The following HIBADH variants were observed in gnomAD, a reference collection of about 807,000 sequenced individuals.
The protein encoded by HIBADH is 3-hydroxyisobutyrate dehydrogenase.
HIBADH carries 25 observed loss-of-function variants against 36.1 expected under a neutral mutation model. That is an observed-to-expected ratio of 0.69 (90% CI 0.50 to 0.97). The LOEUF (loss-of-function observed/expected upper bound fraction) is 0.97. HIBADH is among the 50% of genes least tolerant of loss of function. The probability of loss-of-function intolerance (pLI) is 0.00; values close to 1 mark genes in which losing one functional copy is unlikely to be tolerated. For synonymous variants in HIBADH, 160 were observed against 149.5 expected (o/e 1.07, Z -0.51); for missense variants, 421 against 418.0 (o/e 1.01, Z -0.06).
At chr7:27,583,399 C>T (rs1784819466) in intron 4 of HIBADH, among the ~76,000 whole-genome samples, 1 of 152,018 alleles carries the variant, frequency 6.6e-6, no homozygotes, top group African/African-American at 2.4e-5. Flanking sequence ...CAGAAGGAAA[C>T]AGTATCTCAT....
intron 2 of HIBADH, among the ~76,000 whole-genome samples, chr7:27,643,582 G>A (rs781326607): frequency 1.3e-5 from 2 of 152,178 alleles, no homozygotes; most frequent in East Asian, 1.9e-4. Flanking sequence ...ATACTAAGTG[G>A]TATAGAAAGA....
chr7:27,541,130 TC>T (rs1225890088), intron 5 of HIBADH, among the ~76,000 whole-genome samples: 2 of 135,720 alleles, frequency 1.5e-5, no homozygotes, highest in African/African-American at 2.9e-5. Flanking sequence ...CCTTCGAGCA[TC>T]CTTTTTTTTT....
At chr7:27,624,083 C>A (rs1372463135) in intron 4 of HIBADH, among the ~76,000 whole-genome samples, 6 of 152,172 alleles carry the variant, frequency 3.9e-5, no homozygotes, top group African/African-American at 1.4e-4. Flanking sequence ...CAAGCATAAG[C>A]CACCGCATGC....
intron 4 of HIBADH, among the ~76,000 whole-genome samples, chr7:27,587,763 T>C (rs1173685474): frequency 1.3e-5 from 2 of 152,176 alleles, no homozygotes; most frequent in Non-Finnish European, 2.9e-5. Flanking sequence ...ATTTAACCAT[T>C]TCTAATCCAT....
chr7:27,595,623 T>TGTGTGTGTGTGA (rs1247066560), intron 4 of HIBADH, among the ~76,000 whole-genome samples: 2 of 140,752 alleles, frequency 1.4e-5, no homozygotes, highest in East Asian at 2.1e-4. Context: ...TGTGTGTGTG[T>TGTGTGTGTGTGA]GAACCGCTAT....
chr7:27,535,598 G>C (rs781449217), intron 6 of HIBADH, among the ~76,000 whole-genome samples: 19 of 152,016 alleles, frequency 1.2e-4, no homozygotes, highest in Non-Finnish European at 2.4e-4. Flanking sequence ...ATTTCTATGT[G>C]ATACACAGGA....
At chr7:27,558,620 C>A (rs1021378764) in intron 4 of HIBADH, among the ~76,000 whole-genome samples, 1 of 152,112 alleles carries the variant, frequency 6.6e-6, no homozygotes, top group Admixed American at 6.5e-5. Flanking sequence ...TTGCTTGAGT[C>A]CAGGAGGTTG....
chr7:27,567,697 C>T lies in HIBADH; in HGVS notation c.485-24597G>A, dbSNP rs58707628. Among the ~76,000 whole-genome samples the T allele has an allele frequency of 3.1e-4, 3 of 9,742 alleles. No individual in the cohort carries two copies. The African/African-American group carries it at 3.7e-3, about 12-fold the overall frequency. 6.4% of individuals were successfully genotyped at this position (9,742 alleles called of 152,430 possible). A position where few individuals can be genotyped will look rare whatever the true frequency, so the allele number is the denominator to read the frequency against. On this transcript the variant is annotated intron_variant, in intron 4 of 7. Coordinates refer to ENST00000265395, the MANE Select transcript of HIBADH (RefSeq NM_152740.4). ...TGACCTAGGGATTACAATATACATACTAAAGTTTTCATGTCCATTGAAAAT... is the reference window on the plus strand; with the variant it reads ...TGACCTAGGGATTACAATATACATATTAAAGTTTTCATGTCCATTGAAAAT...
intron 2 of HIBADH, among the ~76,000 whole-genome samples, chr7:27,638,041 C>T (rs767650932): frequency 3.3e-5 from 5 of 152,008 alleles, no homozygotes; most frequent in Non-Finnish European, 5.9e-5. Flanking sequence ...ATCAAACTAC[C>T]AATGACATTC....
chr7:27,534,980 T>G (rs1040633135), intron 6 of HIBADH, among the ~76,000 whole-genome samples: 4 of 149,274 alleles, frequency 2.7e-5, no homozygotes, highest in African/African-American at 9.8e-5. Flanking sequence ...CAGACCTACA[T>G]GTATGCCCAA....
chr7:27,552,217 C>T (rs964305733), intron 4 of HIBADH, among the ~76,000 whole-genome samples: 5 of 152,176 alleles, frequency 3.3e-5, no homozygotes, highest in African/African-American at 1.2e-4. Context: ...GTTTCAGAGT[C>T]CATGTCAGAT....
At chr7:27,567,164 C>G (rs548229494) in intron 4 of HIBADH, among the ~76,000 whole-genome samples, 1 of 152,106 alleles carries the variant, frequency 6.6e-6, no homozygotes, top group South Asian at 2.1e-4. Flanking sequence ...TTGTTCATTT[C>G]TCCTTTTCAT....
At chr7:27,577,053 A>C (rs1221941805) in intron 4 of HIBADH, among the ~76,000 whole-genome samples, 3 of 151,740 alleles carry the variant, frequency 2.0e-5, no homozygotes, top group African/African-American at 7.2e-5. Context: ...AACTGTAAAA[A>C]ACAAATCCAG....
chr7:27,609,129 G>C (rs1450498547), intron 4 of HIBADH, among the ~76,000 whole-genome samples: 1 of 152,138 alleles, frequency 6.6e-6, no homozygotes, highest in Non-Finnish European at 1.5e-5. Context: ...TAAATAATGA[G>C]AGCAATAATA....
intron 4 of HIBADH, among the ~76,000 whole-genome samples, chr7:27,563,387 T>G (rs563816152): frequency 2.0e-4 from 30 of 152,350 alleles, no homozygotes; most frequent in African/African-American, 7.2e-4. Flanking sequence ...AAGTTTTCAT[T>G]TATCCAGGCT....
At chr7:27,609,489 G>C (rs1785287542) in intron 4 of HIBADH, among the ~76,000 whole-genome samples, 2 of 152,100 alleles carry the variant, frequency 1.3e-5, no homozygotes, top group Admixed American at 1.3e-4. Context: ...AGACAGAAAG[G>C]ATACTTTATG....
At chr7:27,646,186 G>A (rs1209025792) in intron 2 of HIBADH, among the ~76,000 whole-genome samples, 1 of 152,162 alleles carries the variant, frequency 6.6e-6, no homozygotes, top group Admixed American at 6.5e-5. Context: ...AACCACACAA[G>A]AGAAGGCAAG....
At chr7:27,636,787 TAA>T (rs1785848360) in intron 2 of HIBADH, among the ~76,000 whole-genome samples, 1 of 152,160 alleles carries the variant, frequency 6.6e-6, no homozygotes. Flanking sequence ...TGCTAAGGAT[TAA>T]GTTAAAAAGA....
At chr7:27,533,842 T>C (rs984466603) in intron 6 of HIBADH, among the ~76,000 whole-genome samples, 3 of 152,226 alleles carry the variant, frequency 2.0e-5, no homozygotes, top group Non-Finnish European at 1.5e-5. Context: ...GCTGTTTCCC[T>C]GTAAATTGGC....
Sources: gnomAD v4.1 joint callset for allele counts (sites outside exome capture counted in the v4.1 genomes callset) on GRCh38, gnomAD v4.1.1 for gene constraint, MANE v1.5 for transcripts, NCBI Gene and HGNC (gene_info 2026-07-23, HGNC 2026-07-21) for gene names.